The following TGFB2 variants were observed in gnomAD, a reference collection of about 807,000 sequenced individuals.
TGFB2 encodes transforming growth factor beta 2, also known as transforming growth factor beta-2 proprotein.
TGFB2 carries 13 observed loss-of-function variants against 42.7 expected under a neutral mutation model. The observed-to-expected ratio is 0.30, with a 90% CI of 0.20 to 0.48. The LOEUF (loss-of-function observed/expected upper bound fraction) is 0.48. Among genes scored for constraint, TGFB2 ranks in the 20% least tolerant of loss-of-function variants. TGFB2 has a pLI of 0.99. For synonymous variants in TGFB2, 193 were observed against 193.6 expected, an observed-to-expected ratio of 1.00 and a Z score of 0.03; for missense variants, 390 against 517.5, an observed-to-expected ratio of 0.75 and a Z score of 2.39.
intron 1 of TGFB2, among the ~76,000 whole-genome samples, chr1:218,370,637 A>G (rs891451044): frequency 6.6e-6 from 1 of 152,322 alleles, no homozygotes; most frequent in African/African-American, 2.4e-5. Context: ...CTTTTCTCTC[A>G]ATCTCAGTGA....
At chr1:218,426,659 GC>G (rs1302151398) in intron 2 of TGFB2, among the ~76,000 whole-genome samples, 2 of 152,136 alleles carry the variant, frequency 1.3e-5, no homozygotes, top group African/African-American at 4.8e-5. Flanking sequence ...TACATGAGAA[GC>G]CCCCTTTTCT....
At chr1:218,401,179 A>C (rs1401847181) in intron 1 of TGFB2, among the ~76,000 whole-genome samples, 2 of 152,224 alleles carry the variant, frequency 1.3e-5, no homozygotes, top group East Asian at 3.8e-4. Flanking sequence ...GTGAGTTCAA[A>C]ATACTTACAT....
intron 2 of TGFB2, among the ~76,000 whole-genome samples, chr1:218,427,262 A>C (rs1659653225): frequency 6.6e-6 from 1 of 152,108 alleles, no homozygotes; most frequent in African/African-American, 2.4e-5. Context: ...CCCATTAAAC[A>C]ATACCTTCTA....
chr1:218,410,271 A>G (rs1659052216), intron 2 of TGFB2, among the ~76,000 whole-genome samples: 1 of 152,196 alleles, frequency 6.6e-6, no homozygotes, highest in African/African-American at 2.4e-5. Context: ...TAACAATTCT[A>G]TACATGAGTT....
At chr1:218,424,433 A>G (rs974269733) in intron 2 of TGFB2, among the ~76,000 whole-genome samples, 1 of 152,254 alleles carries the variant, frequency 6.6e-6, no homozygotes, top group Non-Finnish European at 1.5e-5. Context: ...AATACAGGCT[A>G]CAGCAGTGGT....
Position 218,345,959 on chromosome 1 carries a change from T to TCTGCGGCCC in TGFB2, c.-735_-727dup, listed in dbSNP as rs1656653210. ...CAGGATCCGCGCCGCCTCAGCAGCCTCTGCGGCCCCTGCGGCACCCGACCG... is the reference window on the plus strand; with the variant it reads ...CAGGATCCGCGCCGCCTCAGCAGCCTCTGCGGCCCCTGCGGCCCCTGCGGCACCCGACCG... On this transcript the variant is annotated 5_prime_UTR_variant, in exon 1 of 7. Transcript: ENST00000366930. 6.6e-6 allele frequency among the ~76,000 whole-genome samples: 1 copy of TCTGCGGCCC among 151,840 alleles called. No homozygotes were observed. The highest frequency in any genetic ancestry group is 1.5e-5 in the Non-Finnish European group (1 of 67,936).
Position 218,443,994 on chromosome 1 carries a change from A to C in TGFB2, c.*2632A>C, listed in dbSNP as rs369664926. The C allele has an allele frequency of 6.6e-6, 1 of 152,096 alleles. No homozygotes were observed. Among genetic ancestry groups the C allele is most frequent in the Non-Finnish European group, 1.5e-5 (1 of 68,028 alleles). 9.4% of individuals were successfully genotyped at this position (152,096 alleles called of 1,614,324 possible). On this transcript the variant is annotated 3_prime_UTR_variant, in exon 7 of 7. Coordinates refer to ENST00000366930, the MANE Select transcript of TGFB2 (RefSeq NM_003238.6). ...TAGTGGTAAATAAATTATTTCGATG[A>C]TATGTGGATGTCTTTTTCCTATCAG... is the stretch of plus-strand genomic sequence containing the variant.
chr1:218,425,053 A>G (rs1464291327), intron 2 of TGFB2, among the ~76,000 whole-genome samples: 2 of 152,192 alleles, frequency 1.3e-5, no homozygotes, highest in Non-Finnish European at 2.9e-5. Context: ...TGGAAAAGAA[A>G]GAATTTTACA....
In TGFB2 at chr1:218,346,469, G is replaced by T; in HGVS notation, c.-233G>T. ...GCCAAAGTCAGGGTTCCCTCTGCCC[G>T]TCCCGTATTAATATTTCCACTTTTG... On this transcript the variant is annotated 5_prime_UTR_variant, in exon 1 of 7. Transcript: ENST00000366930. The surrounding 1 kb of genome is among the most constrained non-coding windows in gnomAD (Gnocchi z 4.9). 2.3e-6 allele frequency: 1 copy of T among 442,514 alleles called. No homozygotes were observed. The highest frequency in any genetic ancestry group is 3.9e-6 in the Non-Finnish European group (1 of 255,564). 27.4% of individuals were successfully genotyped at this position (442,514 alleles called of 1,614,324 possible). A position where few individuals can be genotyped will look rare whatever the true frequency, so the allele number is the denominator to read the frequency against.
chr1:218,378,687 G>T (rs942225644), intron 1 of TGFB2, among the ~76,000 whole-genome samples: 1 of 151,918 alleles, frequency 6.6e-6, no homozygotes, highest in African/African-American at 2.4e-5. Context: ...GCTCACTGCA[G>T]CCTGGAACTC....
At chr1:218,358,883 A>G (rs575324946) in intron 1 of TGFB2, among the ~76,000 whole-genome samples, 2 of 152,308 alleles carry the variant, frequency 1.3e-5, no homozygotes, top group Admixed American at 1.3e-4. Flanking sequence ...AAACTCCAGA[A>G]AAGTGTGAAT....
In TGFB2 at chr1:218,347,039, C is replaced by T. The variant is rs1057524627; in HGVS notation, c.338C>T (p.Pro113Leu). The T allele has an allele frequency of 7.6e-6, 12 of 1,580,804 alleles. No individual in the cohort carries two copies. The East Asian group carries it at 1.8e-4, about 24-fold the overall frequency. Residue 113 changes from proline (P) to leucine (L), a missense_variant, in exon 1 of 7, where the codon CCC becomes CTC. Physicochemically the swap from Pro to Leu is moderately conservative, Grantham distance 98. Coordinates refer to ENST00000366930, the MANE Select transcript of TGFB2 (RefSeq NM_003238.6). ...VYKIDMPPFFPSENAIPPTFY... is the reference protein window; with the variant it reads ...VYKIDMPPFFLSENAIPPTFY... ...AAAATAGACATGCCGCCCTTCTTCC[C>T]CTCCGAAAGTAAGTACTTATTTTGA...
intron 2 of TGFB2, among the ~76,000 whole-genome samples, chr1:218,424,205 G>C (rs1248711578): frequency 6.6e-6 from 1 of 152,142 alleles, no homozygotes; most frequent in Non-Finnish European, 1.5e-5. Context: ...TTCTGGTTTT[G>C]GCCTTATGAT....
chr1:218,352,190 C>T (rs1460955665), intron 1 of TGFB2, among the ~76,000 whole-genome samples: 3 of 148,290 alleles, frequency 2.0e-5, no homozygotes, highest in Non-Finnish European at 4.5e-5. Flanking sequence ...CAAGAGACTG[C>T]ATGGAAGAGC....
In TGFB2 at chr1:218,383,795, A is replaced by G. The variant is rs1028678514; in HGVS notation, c.347-21374A>G. Among the ~76,000 whole-genome samples the G allele has an allele frequency of 2.0e-5, 3 of 152,242 alleles. No individual in the cohort carries two copies. The East Asian group carries it at 5.8e-4, about 29-fold the overall frequency. ...CAATAAAATCAACCACAGGCTTTGG[A>G]AAAACTTTCCATGAAAGGCATTTTA... On this transcript the variant is annotated intron_variant, in intron 1 of 6. Transcript: ENST00000366930.
chr1:218,428,406 T>C (rs992236374), intron 2 of TGFB2, among the ~76,000 whole-genome samples: 3 of 152,246 alleles, frequency 2.0e-5, no homozygotes, highest in African/African-American at 7.2e-5. Flanking sequence ...ATGAAGTCCT[T>C]GCCCATGCCC....
intron 1 of TGFB2, among the ~76,000 whole-genome samples, chr1:218,388,198 T>C (rs1370266327): frequency 6.6e-6 from 1 of 152,170 alleles, no homozygotes; most frequent in African/African-American, 2.4e-5. Flanking sequence ...TTAGTTGTTT[T>C]CAATAAAAGG....
chr1:218,389,557 C>T (rs759167081), intron 1 of TGFB2, among the ~76,000 whole-genome samples: 1 of 152,204 alleles, frequency 6.6e-6, no homozygotes, highest in Admixed American at 6.5e-5. Context: ...TGTTTAAGAT[C>T]ACTGAAAAGA....
intron 1 of TGFB2, among the ~76,000 whole-genome samples, chr1:218,369,154 C>G (rs915690283): frequency 6.8e-6 from 1 of 147,954 alleles, no homozygotes; most frequent in Non-Finnish European, 1.5e-5. Flanking sequence ...ACTCAGGAGG[C>G]TGAGACAGGA....
Sources: gnomAD v4.1 joint callset for allele counts (sites outside exome capture counted in the v4.1 genomes callset) on GRCh38, gnomAD v4.1.1 for gene constraint, Gnocchi (gnomAD v3.1) non-coding constraint, MANE v1.5 for transcripts, NCBI Gene and HGNC (gene_info 2026-07-23, HGNC 2026-07-21) for gene names.